Variants in CACNA2D2 observed in about 807,000 individuals in gnomAD.
The protein encoded by CACNA2D2 is calcium voltage-gated channel auxiliary subunit alpha2delta 2, also known as voltage-dependent calcium channel subunit alpha-2/delta-2.
A neutral mutation model predicts 166.4 loss-of-function variants in CACNA2D2; 48 were observed. The ratio of observed to expected loss-of-function variants is 0.29; its 90% CI spans 0.23 to 0.37. The LOEUF (loss-of-function observed/expected upper bound fraction) is 0.37. CACNA2D2 is among the 10% of genes least tolerant of loss of function. The pLI, the probability that CACNA2D2 is intolerant of heterozygous loss-of-function variation, is 1.00. For missense variants in CACNA2D2, 1,122 were observed against 1,433.0 expected (o/e 0.78, Z 3.50); for synonymous variants, 561 against 573.7 (o/e 0.98, Z 0.32).
intron 3 of CACNA2D2, among the ~76,000 whole-genome samples, chr3:50,408,731 A>G (rs950133385): frequency 1.3e-5 from 2 of 152,032 alleles, no homozygotes; most frequent in Non-Finnish European, 2.9e-5. Flanking sequence ...GGGCAGGCGG[A>G]GGCGGCCTTG....
At position 50,364,705 on chromosome 3, in the gene CACNA2D2, C is replaced by T. The variant is rs145772306; in HGVS notation, c.3393G>A (p.Pro1131=). The change falls in exon 38 of 38, where the codon CCG becomes CCA. Residue 1131 remains proline (P), a synonymous_variant. Transcript: ENST00000424201. ...AGGCGTGGACGAGGACTTGAGGCTG[C>T]GGCCGGGGCGGCAGGCCCAGGAGGA... ...LLLLLGLPPR[P]QPQVLVHASR... 9.9e-4 allele frequency: 1,527 copies of T among 1,544,338 alleles called. 14 individuals are homozygous for T. In the African/African-American group the frequency reaches 0.017, roughly 17 times the overall value.
intron 3 of CACNA2D2, among the ~76,000 whole-genome samples, chr3:50,410,653 C>G (rs1202054812): frequency 1.3e-5 from 2 of 152,214 alleles, no homozygotes; most frequent in African/African-American, 4.8e-5. Context: ...ATGTTGCTCT[C>G]CTGCCCACAA....
chr3:50,449,418 TGGGGGATGGGCCA>T (rs1709004425), intron 2 of CACNA2D2, among the ~76,000 whole-genome samples: 1 of 152,156 alleles, frequency 6.6e-6, no homozygotes, highest in African/African-American at 2.4e-5. Flanking sequence ...CCAGGAGAGC[TGGGGGATGGGCCA>T]CCCTCCATAG....
chr3:50,378,907 G>A lies in CACNA2D2; in HGVS notation c.1339+8C>T, dbSNP rs1229015970. The A allele has an allele frequency of 1.2e-6, 2 of 1,613,702 alleles. No homozygotes were observed. The highest frequency in any genetic ancestry group is 2.2e-5 in the East Asian group (1 of 44,882). ...CAGGCCCCTGACAGTGATGCGCAGGGGAGGTACCTTTGTTGGCACAGGCCA... is the reference window on the plus strand; with the variant it reads ...CAGGCCCCTGACAGTGATGCGCAGGAGAGGTACCTTTGTTGGCACAGGCCA... On this transcript the variant is annotated splice_region_variant and intron_variant, in intron 13 of 37. Coordinates refer to ENST00000424201, the MANE Select transcript of CACNA2D2 (RefSeq NM_006030.4).
Position 50,384,081 on chromosome 3 carries a change from A to G in CACNA2D2, c.652+115T>C, listed in dbSNP as rs1705461985. 3 of 1,287,592 alleles carry G rather than the reference A, an allele frequency of 2.3e-6. No individual in the cohort carries two copies. In the African/African-American group the frequency reaches 4.4e-5, roughly 19 times the overall value. The allele number at this position is 1,287,592 out of a possible 1,614,324, so 79.8% of individuals were successfully genotyped here. On this transcript the variant is annotated intron_variant, in intron 6 of 37. Transcript: ENST00000424201. ...GCGCAGGAGTAATCTCAGGTGTAGGAGGCTGGAGGTAGATGGCACTGGCCT... is the reference window on the plus strand; with the variant it reads ...GCGCAGGAGTAATCTCAGGTGTAGGGGGCTGGAGGTAGATGGCACTGGCCT...
intron 2 of CACNA2D2, among the ~76,000 whole-genome samples, chr3:50,443,726 C>G (rs1038280185): frequency 6.6e-6 from 1 of 152,260 alleles, no homozygotes; most frequent in African/African-American, 2.4e-5. Context: ...GCCATCTGGC[C>G]TCTTCAACCC....
In CACNA2D2 at chr3:50,367,761, G is replaced by T; in HGVS notation, c.2234+51C>A. ...CTGCCTTCTGCTGGGCAGGTCCAGG[G>T]CCTCTGGGCCCATCCTAGCCTTCTG... On this transcript the variant is annotated intron_variant, in intron 25 of 37. Coordinates refer to ENST00000424201, the MANE Select transcript of CACNA2D2 (RefSeq NM_006030.4). This position sits in a 1 kb window ranked among gnomAD's most constrained non-coding sequence, Gnocchi z 6.5. 1 of 1,612,320 alleles carries T rather than the reference G, an allele frequency of 6.2e-7. No homozygotes were observed. Among genetic ancestry groups the T allele is most frequent in the East Asian group, 2.2e-5 (1 of 44,880 alleles).
chr3:50,390,481 TC>T (rs1705830912), intron 4 of CACNA2D2, among the ~76,000 whole-genome samples: 1 of 152,136 alleles, frequency 6.6e-6, no homozygotes, highest in Non-Finnish European at 1.5e-5. Flanking sequence ...TCTTTGCAAC[TC>T]CACAGCCCAG....
chr3:50,485,388 C>A (rs1397116342), intron 1 of CACNA2D2, among the ~76,000 whole-genome samples: 3 of 152,256 alleles, frequency 2.0e-5, no homozygotes, highest in Non-Finnish European at 4.4e-5. Context: ...ACTGCTCCAG[C>A]AGCAAGATCA....
At chr3:50,485,722 G>A (rs2107135572) in intron 1 of CACNA2D2, among the ~76,000 whole-genome samples, 1 of 152,356 alleles carries the variant, frequency 6.6e-6, no homozygotes. Context: ...CCTTTCCTGA[G>A]GCCAGGGGTA....
rs1405789063 is a variant in CACNA2D2 at position 50,367,569 on chromosome 3, G to A, written c.2298-72C>T. On this transcript the variant is annotated intron_variant, in intron 26 of 37. Coordinates refer to ENST00000424201, the MANE Select transcript of CACNA2D2 (RefSeq NM_006030.4). This position sits in a 1 kb window ranked among gnomAD's most constrained non-coding sequence, Gnocchi z 6.5. ...GGGACAGTGGTCTCCACAGATGCAAGGAGGCCTCTGGGCAGAACAGATGCA... is the reference window on the plus strand; with the variant it reads ...GGGACAGTGGTCTCCACAGATGCAAAGAGGCCTCTGGGCAGAACAGATGCA... 2 of 1,600,958 alleles carry A rather than the reference G, an allele frequency of 1.2e-6. No homozygotes were observed. The highest frequency in any genetic ancestry group is 3.3e-5 in the Admixed American group (2 of 59,740).
chr3:50,400,763 C>T (rs1706408489), intron 3 of CACNA2D2, among the ~76,000 whole-genome samples: 1 of 152,252 alleles, frequency 6.6e-6, no homozygotes, highest in Non-Finnish European at 1.5e-5. Flanking sequence ...CCTTCCTTCG[C>T]CCCTTGGCGC....
intron 4 of CACNA2D2, among the ~76,000 whole-genome samples, chr3:50,390,099 G>A (rs587687051): frequency 6.6e-6 from 1 of 152,120 alleles, no homozygotes; most frequent in African/African-American, 2.4e-5. Context: ...CACCTCCTGG[G>A]TTGAGCAACA....
At chr3:50,424,217 C>A (rs1366841601) in intron 3 of CACNA2D2, among the ~76,000 whole-genome samples, 3 of 152,182 alleles carry the variant, frequency 2.0e-5, no homozygotes. Context: ...GTCATGGGCA[C>A]CCCGTGCCAT....
At chr3:50,434,246 TG>T in intron 3 of CACNA2D2, 66 bp downstream of exon 3, 2 of 1,090,968 alleles carry the variant, frequency 1.8e-6, no homozygotes, top group Non-Finnish European at 2.8e-6. Context: ...ACTGCCCTCA[TG>T]GTACAGGACC....
rs146055092 is a variant in CACNA2D2, at chr3:50,458,915, G to A, written c.288+17203C>T. Among the ~76,000 whole-genome samples, 8 of 152,296 alleles carry A rather than the reference G, an allele frequency of 5.3e-5. No homozygotes were observed. In the South Asian group the frequency reaches 1.5e-3, roughly 28 times the overall value. ...GTCAGGCCTGTGCCATCCCTTCCCC[G>A]GGTTTCTGGCCCAGCCCACCGACCT... On this transcript the variant is annotated intron_variant, in intron 2 of 37. Coordinates refer to ENST00000424201, the MANE Select transcript of CACNA2D2 (RefSeq NM_006030.4).
At chr3:50,399,071 GC>G (rs1423951070) in intron 3 of CACNA2D2, among the ~76,000 whole-genome samples, 1 of 152,214 alleles carries the variant, frequency 6.6e-6, no homozygotes, top group African/African-American at 2.4e-5. Flanking sequence ...GGATAGGAAG[GC>G]CCCCTGCATG....
At position 50,380,617 on chromosome 3, in the gene CACNA2D2, G is replaced by A. The variant is rs887431806; in HGVS notation, c.842+131C>T. The A allele has an allele frequency of 2.6e-5, 19 of 731,838 alleles. No individual in the cohort carries two copies. The Admixed American group carries it at 3.1e-4, about 12-fold the overall frequency. The allele number at this position is 731,838 out of a possible 1,614,324, so 45.3% of individuals were successfully genotyped here. On this transcript the variant is annotated intron_variant, in intron 8 of 37. Transcript: ENST00000424201. This position sits in a 1 kb window ranked among gnomAD's most constrained non-coding sequence, Gnocchi z 4.9. ...GGATCCATTTTCCAGTGGCAACCAT[G>A]TGTGAAATGAAAATTGGATACAGCT...
intron 1 of CACNA2D2, among the ~76,000 whole-genome samples, chr3:50,493,663 C>G (rs1490537438): frequency 6.6e-6 from 1 of 152,250 alleles, no homozygotes; most frequent in South Asian, 2.1e-4. Flanking sequence ...CAGAAGCAGC[C>G]TCTTGTTGGC....
Sources: allele counts gnomAD v4.1 joint callset (sites outside exome capture counted in the v4.1 genomes callset), GRCh38; gene constraint gnomAD v4.1.1; non-coding constraint Gnocchi (gnomAD v3.1); transcripts MANE v1.5; gene names NCBI Gene and HGNC (gene_info 2026-07-23, HGNC 2026-07-21).